GNAQ: variants seen among roughly 807,000 people sequenced by gnomAD.
GNAQ encodes guanine nucleotide-binding protein G(q) subunit alpha.
A neutral mutation model predicts 43.9 loss-of-function variants in GNAQ; 8 were observed. That is an observed-to-expected ratio of 0.18 (90% CI 0.11 to 0.33). The LOEUF is 0.33. Among genes scored for constraint, GNAQ ranks in the 10% least tolerant of loss-of-function variants. The pLI, the probability that GNAQ is intolerant of heterozygous loss-of-function variation, is 1.00. For synonymous variants in GNAQ, 155 were observed against 170.7 expected, an observed-to-expected ratio of 0.91 and a Z score of 0.71; for missense variants, 158 against 450.8, an observed-to-expected ratio of 0.35 and a Z score of 5.88.
intron 1 of GNAQ, among the ~76,000 whole-genome samples, chr9:77,988,010 C>T (rs143646556): frequency 1.3e-5 from 2 of 152,352 alleles, no homozygotes; most frequent in Non-Finnish European, 2.9e-5. Flanking sequence ...CGGGAATGAG[C>T]TATGCTGATT....
At chr9:77,780,800 C>T (rs1826383286) in intron 5 of GNAQ, among the ~76,000 whole-genome samples, 1 of 151,962 alleles carries the variant, frequency 6.6e-6, no homozygotes, top group Admixed American at 6.6e-5. Context: ...TGATAATGGC[C>T]TTCCTAAGTG....
At chr9:78,001,003 A>C (rs1208024062) in intron 1 of GNAQ, among the ~76,000 whole-genome samples, 1 of 152,226 alleles carries the variant, frequency 6.6e-6, no homozygotes, top group Non-Finnish European at 1.5e-5. Flanking sequence ...AGCAGCACGC[A>C]AATCTGACAG....
At chr9:77,981,171 T>C (rs1823363541) in intron 1 of GNAQ, among the ~76,000 whole-genome samples, 1 of 152,204 alleles carries the variant, frequency 6.6e-6, no homozygotes, top group African/African-American at 2.4e-5. Flanking sequence ...TTAATTGGCC[T>C]TTCCCTATCT....
At chr9:77,881,171 T>C (rs753034444) in intron 2 of GNAQ, among the ~76,000 whole-genome samples, 3 of 152,292 alleles carry the variant, frequency 2.0e-5, no homozygotes, top group South Asian at 2.1e-4. Flanking sequence ...ACACAAATTA[T>C]GTTTACCATT....
intron 5 of GNAQ, among the ~76,000 whole-genome samples, chr9:77,764,476 G>C (rs1322756562): frequency 6.8e-6 from 1 of 147,754 alleles, no homozygotes; most frequent in African/African-American, 2.5e-5. Flanking sequence ...TTTTTTTTGA[G>C]ATGGAGTCTC....
intron 2 of GNAQ, among the ~76,000 whole-genome samples, chr9:77,849,243 C>G (rs911658358): frequency 5.3e-5 from 8 of 152,184 alleles, no homozygotes; most frequent in Non-Finnish European, 1.2e-4. Flanking sequence ...CATAACATCT[C>G]ACTGCAGGGA....
At chr9:77,784,497 C>A (rs911019159) in intron 5 of GNAQ, among the ~76,000 whole-genome samples, 37 of 152,022 alleles carry the variant, frequency 2.4e-4, no homozygotes, top group African/African-American at 8.2e-4. Context: ...TCAGAATTGA[C>A]AAACTTTATA....
intron 2 of GNAQ, among the ~76,000 whole-genome samples, chr9:77,819,146 G>A (rs954010077): frequency 6.6e-6 from 1 of 151,798 alleles, no homozygotes; most frequent in East Asian, 1.9e-4. Context: ...ATGAATGCTA[G>A]CTTTCAGAAT....
intron 1 of GNAQ, among the ~76,000 whole-genome samples, chr9:77,972,146 A>G (rs1276442157): frequency 6.6e-6 from 1 of 152,198 alleles, no homozygotes; most frequent in Non-Finnish European, 1.5e-5. Context: ...AGCCAAAATA[A>G]TAACAATTAA....
At chr9:78,022,226 T>C (rs1405329778) in intron 1 of GNAQ, among the ~76,000 whole-genome samples, 1 of 152,076 alleles carries the variant, frequency 6.6e-6, no homozygotes, top group Non-Finnish European at 1.5e-5. Flanking sequence ...AGCAGCAAGC[T>C]TAGACCCTTC....
chr9:77,730,327 C>T (rs760376976), intron 5 of GNAQ, among the ~76,000 whole-genome samples: 8 of 152,278 alleles, frequency 5.3e-5, no homozygotes, highest in Non-Finnish European at 8.8e-5. Flanking sequence ...TGCCTGCCTG[C>T]GGTAGGATGC....
In GNAQ at chr9:78,031,297, C is replaced by G; in HGVS notation, c.-62G>C. 13 of 1,273,480 alleles carry G rather than the reference C, an allele frequency of 1.0e-5. No homozygotes were observed. Among genetic ancestry groups the G allele is most frequent in the Non-Finnish European group, 1.3e-5 (13 of 984,490 alleles). 78.9% of individuals were successfully genotyped at this position (1,273,480 alleles called of 1,614,324 possible). ...CCCCTGCTCACAGCGCGCACACACACCCTCCCGCCCTCGCTCCCCCGAGGC... is the reference window on the plus strand; with the variant it reads ...CCCCTGCTCACAGCGCGCACACACAGCCTCCCGCCCTCGCTCCCCCGAGGC... On this transcript the variant is annotated 5_prime_UTR_variant, in exon 1 of 7. Transcript: ENST00000286548.
Position 77,858,592 on chromosome 9 carries a change from C to CCT in GNAQ, c.322-42824_322-42823dup, listed in dbSNP as rs1458922759. On this transcript the variant is annotated intron_variant, in intron 2 of 6. Coordinates refer to ENST00000286548, the MANE Select transcript of GNAQ (RefSeq NM_002072.5). ...GTGGCTTCTTCTCAGTCTTCACCCT[C>CCT]CTCTGTAGTGTCTGACGCCATCAGT... is the stretch of plus-strand genomic sequence containing the variant. Among the ~76,000 whole-genome samples the CCT allele has an allele frequency of 7.2e-5, 11 of 152,220 alleles. No individual in the cohort carries two copies. The East Asian group carries it at 1.4e-3, about 19-fold the overall frequency.
At chr9:77,751,222 G>T (rs545673694) in intron 5 of GNAQ, among the ~76,000 whole-genome samples, 1 of 152,294 alleles carries the variant, frequency 6.6e-6, no homozygotes, top group African/African-American at 2.4e-5. Context: ...ACTGCCTAAT[G>T]CCTTGATTTT....
intron 5 of GNAQ, among the ~76,000 whole-genome samples, chr9:77,759,625 C>T (rs1343006641): frequency 6.6e-5 from 10 of 152,110 alleles, no homozygotes; most frequent in Non-Finnish European, 2.9e-5. Flanking sequence ...GACTTATGCT[C>T]TCCTCCTTCA....
At chr9:77,993,026 A>G (rs546028084) in intron 1 of GNAQ, among the ~76,000 whole-genome samples, 2 of 152,344 alleles carry the variant, frequency 1.3e-5, no homozygotes, top group South Asian at 4.1e-4. Context: ...AACATTCCCT[A>G]TCCTCTACAA....
intron 2 of GNAQ, among the ~76,000 whole-genome samples, chr9:77,877,057 A>G (rs1828137483): frequency 6.6e-6 from 1 of 152,208 alleles, no homozygotes; most frequent in Non-Finnish European, 1.5e-5. Flanking sequence ...CAAAAAACTC[A>G]TATTTGGAGT....
intron 2 of GNAQ, among the ~76,000 whole-genome samples, chr9:77,900,122 C>A (rs1828577791): frequency 6.6e-6 from 1 of 152,118 alleles, no homozygotes; most frequent in African/African-American, 2.4e-5. Flanking sequence ...AATCAGTAAT[C>A]CTGGAGTCTT....
intron 2 of GNAQ, among the ~76,000 whole-genome samples, chr9:77,894,402 T>TTA (rs1323285674): frequency 0.11 from 121 of 1,126 alleles, 2 homozygotes; most frequent in Non-Finnish European, 0.16. Context: ...AATATATATT[T>TTA]TATATATATA....
Sources: gnomAD v4.1 joint callset for allele counts (sites outside exome capture counted in the v4.1 genomes callset) on GRCh38, gnomAD v4.1.1 for gene constraint, MANE v1.5 for transcripts, NCBI Gene and HGNC (gene_info 2026-07-23, HGNC 2026-07-21) for gene names.